The following ZNF385D variants were observed in gnomAD, a reference collection of about 807,000 sequenced individuals.
The protein encoded by ZNF385D is zinc finger protein 385D, also known as zinc finger protein 659.
ZNF385D carries 15 observed loss-of-function variants against 35.8 expected under a neutral mutation model. The observed-to-expected ratio is 0.42, with a 90% CI of 0.28 to 0.64. ZNF385D has a LOEUF of 0.64. Ranked by LOEUF, ZNF385D falls within the 30% of genes least tolerant of loss-of-function variation. ZNF385D has a pLI of 0.23. For synonymous variants in ZNF385D, 212 were observed against 186.8 expected (o/e 1.13, Z -1.10); for missense variants, 474 against 494.6 (o/e 0.96, Z 0.39).
At chr3:21,753,600 C>T (rs921536866), upstream of ZNF385D, among the ~76,000 whole-genome samples, 1 of 152,198 alleles carries the variant, frequency 6.6e-6, no homozygotes, top group African/African-American at 2.4e-5. Context: ...ATGTGCCCCT[C>T]TTCCCTGCAA....
intron 3 of ZNF385D, among the ~76,000 whole-genome samples, chr3:21,827,787 G>T (rs909988632): frequency 6.6e-6 from 1 of 152,142 alleles, no homozygotes; most frequent in African/African-American, 2.4e-5. Context: ...CGTGACATTT[G>T]GTTCTTCATT....
chr3:22,300,787 A>G (rs1238182795), intron 2 of ZNF385D, among the ~76,000 whole-genome samples: 1 of 152,034 alleles, frequency 6.6e-6, no homozygotes, highest in African/African-American at 2.4e-5. Context: ...GACAAAAGAT[A>G]AAAGTTGGTA....
intron 3 of ZNF385D, among the ~76,000 whole-genome samples, chr3:22,067,099 G>C (rs142484227): frequency 1.3e-5 from 2 of 152,264 alleles, no homozygotes; most frequent in East Asian, 1.9e-4. Flanking sequence ...TTAGTTAGAA[G>C]CTGTTAAAGT....
At chr3:21,594,434 A>G (rs2064071571) in intron 2 of ZNF385D, among the ~76,000 whole-genome samples, 1 of 152,194 alleles carries the variant, frequency 6.6e-6, no homozygotes, top group Non-Finnish European at 1.5e-5. Context: ...GGAGCAGAAC[A>G]GGGATAGGGA....
chr3:21,828,380 TAATA>T (rs1468873183), intron 3 of ZNF385D, among the ~76,000 whole-genome samples: 1 of 152,200 alleles, frequency 6.6e-6, no homozygotes, highest in Non-Finnish European at 1.5e-5. Context: ...CTGAATGATA[TAATA>T]AATATATGTT....
intron 3 of ZNF385D, among the ~76,000 whole-genome samples, chr3:21,995,221 T>A (rs905254979): frequency 6.6e-6 from 1 of 152,148 alleles, no homozygotes. Flanking sequence ...GCATATGTGG[T>A]AGGGGCCAAT....
At chr3:21,548,956 A>T (rs554773424) in intron 3 of ZNF385D, among the ~76,000 whole-genome samples, 2 of 152,356 alleles carry the variant, frequency 1.3e-5, no homozygotes, top group East Asian at 3.9e-4. Flanking sequence ...TATGGTTTGT[A>T]TGATTTTATA....
intron 2 of ZNF385D, among the ~76,000 whole-genome samples, chr3:21,577,235 C>T (rs1478856693): frequency 2.0e-5 from 3 of 152,134 alleles, no homozygotes; most frequent in Non-Finnish European, 4.4e-5. Flanking sequence ...ATTTAGCTTC[C>T]ACATATGAGT....
At chr3:21,508,566 C>T (rs1706959948) in intron 4 of ZNF385D, among the ~76,000 whole-genome samples, 1 of 152,000 alleles carries the variant, frequency 6.6e-6, no homozygotes, top group Non-Finnish European at 1.5e-5. Flanking sequence ...TGTCCTGTAC[C>T]TAAGACTAGA....
chr3:21,600,676 C>CA (rs775024971), intron 2 of ZNF385D, among the ~76,000 whole-genome samples: 2 of 150,882 alleles, frequency 1.3e-5, no homozygotes, highest in Non-Finnish European at 3.0e-5. Flanking sequence ...CCTAACAAAA[C>CA]AAAAAAACAC....
At chr3:22,286,264 G>A (rs970520558) in intron 2 of ZNF385D, among the ~76,000 whole-genome samples, 12 of 151,920 alleles carry the variant, frequency 7.9e-5, no homozygotes, top group East Asian at 3.9e-4. Flanking sequence ...TAATATCCGC[G>A]CCCTCATGCA....
intron 2 of ZNF385D, among the ~76,000 whole-genome samples, chr3:22,298,111 C>T (rs529893759): frequency 4.0e-5 from 6 of 151,874 alleles, no homozygotes; most frequent in African/African-American, 1.4e-4. Flanking sequence ...ATATAATCTT[C>T]GTGCTTTAAG....
At chr3:21,580,262 A>G (rs1046048292) in intron 2 of ZNF385D, among the ~76,000 whole-genome samples, 2 of 152,172 alleles carry the variant, frequency 1.3e-5, no homozygotes, top group Admixed American at 6.6e-5. Context: ...GTGATCCCCA[A>G]GGGTCTAGGA....
intron 1 of ZNF385D, among the ~76,000 whole-genome samples, chr3:21,707,823 TG>T (rs2067963409): frequency 6.6e-6 from 1 of 152,168 alleles, no homozygotes. Flanking sequence ...AAATACAAAC[TG>T]TAGAAGATGA....
intron 3 of ZNF385D, among the ~76,000 whole-genome samples, chr3:22,007,753 A>G (rs752090582): frequency 6.6e-6 from 1 of 152,086 alleles, no homozygotes; most frequent in African/African-American, 2.4e-5. Context: ...CATCACTTGT[A>G]TAAGAGCCAT....
chr3:22,029,224 T>C (rs565734858), intron 3 of ZNF385D, among the ~76,000 whole-genome samples: 2 of 152,282 alleles, frequency 1.3e-5, no homozygotes, highest in East Asian at 3.9e-4. Context: ...CAGTGTTGGT[T>C]TGGGTGACTT....
intron 2 of ZNF385D, among the ~76,000 whole-genome samples, chr3:22,207,578 A>G (rs1338472721): frequency 6.6e-6 from 1 of 151,992 alleles, no homozygotes; most frequent in African/African-American, 2.4e-5. Context: ...TGCAAAGCAA[A>G]AATAGACAAA....
rs536477423 is a variant in ZNF385D, at chr3:22,106,408, AT to A, written c.325+62408del. 1.3e-4 allele frequency among the ~76,000 whole-genome samples: 20 copies of A among 152,122 alleles called. No individual in the cohort carries two copies. The South Asian group carries it at 3.1e-3, about 24-fold the overall frequency. On this transcript the variant is annotated intron_variant, in intron 3 of 5. Transcript: ENST00000494108. The stretch of plus-strand genomic sequence containing the variant: ...TAGGTCCAGCTGAAAGGACAAAAAA[AT>A]CTTACATTTTCCAATCTCTGTCTCA...
intron 3 of ZNF385D, among the ~76,000 whole-genome samples, chr3:22,076,481 C>T (rs1458913239): frequency 6.6e-6 from 1 of 151,904 alleles, no homozygotes; most frequent in Non-Finnish European, 1.5e-5. Flanking sequence ...AAAAGTGAGG[C>T]TTCCCATAAC....
Sources: gnomAD v4.1 joint callset for allele counts (sites outside exome capture counted in the v4.1 genomes callset) on GRCh38, gnomAD v4.1.1 for gene constraint, MANE v1.5 for transcripts, NCBI Gene and HGNC (gene_info 2026-07-23, HGNC 2026-07-21) for gene names.